EMP2: variants seen among roughly 807,000 people sequenced by gnomAD.
The protein encoded by EMP2 is epithelial membrane protein 2.
Under a neutral mutation model 13.7 loss-of-function variants are expected in EMP2, and 19 were observed. The ratio of observed to expected loss-of-function variants is 1.38; its 90% CI spans 0.97 to 2.03. The LOEUF (loss-of-function observed/expected upper bound fraction) is 2.03, where lower values mean the gene tolerates loss of function less well. Among genes scored for constraint, EMP2 ranks in the 30% most tolerant of loss-of-function variants. The pLI is 0.00. For synonymous variants in EMP2, 97 were observed against 84.7 expected (o/e 1.15, Z -0.80); for missense variants, 253 against 220.7 (o/e 1.15, Z -0.93).
chr16:10,567,740 G>A (rs1376677523), intron 1 of EMP2, among the ~76,000 whole-genome samples: 1 of 152,160 alleles, frequency 6.6e-6, no homozygotes, highest in East Asian at 1.9e-4. Context: ...CCCTCATACA[G>A]CAAACCAAAG....
chr16:10,558,056 A>ATC (rs951866883), intron 1 of EMP2, among the ~76,000 whole-genome samples: 1 of 146,852 alleles, frequency 6.8e-6, no homozygotes, highest in Non-Finnish European at 1.5e-5. Flanking sequence ...TTTAAACAGG[A>ATC]TCTCTCTCTG....
At chr16:10,556,211 C>T (rs914603976) in intron 1 of EMP2, among the ~76,000 whole-genome samples, 2 of 152,130 alleles carry the variant, frequency 1.3e-5, no homozygotes, top group Admixed American at 6.5e-5. Context: ...TCCTTCTTTT[C>T]TTCCCTCCAT....
intron 4 of EMP2, among the ~76,000 whole-genome samples, chr16:10,537,280 A>T (rs2142170244): frequency 6.6e-6 from 1 of 152,274 alleles, no homozygotes; most frequent in East Asian, 1.9e-4. Context: ...AAGTAGAAAA[A>T]AATGCTCTGA....
intron 1 of EMP2, among the ~76,000 whole-genome samples, chr16:10,571,189 G>A (rs1208647905): frequency 2.7e-5 from 4 of 147,612 alleles, no homozygotes; most frequent in South Asian, 2.2e-4. Flanking sequence ...CCAGGGAGTC[G>A]GCGGCTGCAG....
chr16:10,580,576 G>A lies in EMP2; in HGVS notation c.-88C>T. On this transcript the variant is annotated 5_prime_UTR_variant, in exon 1 of 5. Coordinates refer to ENST00000359543, the MANE Select transcript of EMP2 (RefSeq NM_001424.6). This position sits in a 1 kb window ranked among gnomAD's most constrained non-coding sequence, Gnocchi z 4.3. ...GGCGCTGGCGGCTGCGCTGGCAGCT[G>A]GATCGACGGACTGGCTGGGGGTGCG... 6.5e-6 allele frequency: 1 copy of A among 152,804 alleles called. No homozygotes were observed. Among genetic ancestry groups the A allele is most frequent in the Non-Finnish European group, 1.5e-5 (1 of 68,430 alleles). The allele number at this position is 152,804 out of a possible 1,614,324, so 9.5% of individuals were successfully genotyped here. A position where few individuals can be genotyped will look rare whatever the true frequency, so the allele number is the denominator to read the frequency against.
intron 4 of EMP2, 109 bp from the exon 5 acceptor site, chr16:10,533,201 G>C (rs2050621672): frequency 3.7e-6 from 4 of 1,074,924 alleles, no homozygotes; most frequent in Middle Eastern, 4.7e-4. Context: ...TTTATTCTTT[G>C]TTTATTATTA....
rs554007178 is a variant in EMP2 at position 10,532,204 on chromosome 16, G to A, written c.*701C>T. On this transcript the variant is annotated 3_prime_UTR_variant, in exon 5 of 5. Transcript: ENST00000359543. The stretch of plus-strand genomic sequence containing the variant: ...TCTGATTCTGTAGGTCTGGGGTGAG[G>A]GGGGGGGCGCTGTAGGTTTTGCCTA... 3.5e-4 allele frequency: 7 copies of A among 20,250 alleles called. No homozygotes were observed. Among genetic ancestry groups the A allele is most frequent in the African/African-American group, 1.7e-3 (5 of 2,894 alleles). The allele number at this position is 20,250 out of a possible 1,614,324, so 1.3% of individuals were successfully genotyped here. A position where few individuals can be genotyped will look rare whatever the true frequency, so the allele number is the denominator to read the frequency against.
At chr16:10,573,311 C>G (rs1324753249) in intron 1 of EMP2, among the ~76,000 whole-genome samples, 1 of 152,154 alleles carries the variant, frequency 6.6e-6, no homozygotes, top group Admixed American at 6.5e-5. Flanking sequence ...CTAACCCTCC[C>G]AAAATTCTAA....
At chr16:10,557,395 C>T (rs1337035198) in intron 1 of EMP2, among the ~76,000 whole-genome samples, 2 of 151,572 alleles carry the variant, frequency 1.3e-5, no homozygotes, top group Admixed American at 1.3e-4. Flanking sequence ...ACAAAAAAAC[C>T]CCATGCTTTA....
intron 1 of EMP2, among the ~76,000 whole-genome samples, chr16:10,549,504 T>G (rs992612277): frequency 1.3e-5 from 2 of 152,244 alleles, no homozygotes; most frequent in Admixed American, 6.5e-5. Context: ...AGGGAAGATG[T>G]CACATCAAAT....
chr16:10,573,416 T>A (rs1266775424), intron 1 of EMP2, among the ~76,000 whole-genome samples: 2 of 152,194 alleles, frequency 1.3e-5, no homozygotes, highest in African/African-American at 4.8e-5. Context: ...ATCTGCAATG[T>A]GATGTTCCAA....
In EMP2 at chr16:10,531,840, G is replaced by T. The variant is rs1406293230; in HGVS notation, c.*1065C>A. The T allele has an allele frequency of 6.5e-6, 1 of 154,846 alleles. No homozygotes were observed. The highest frequency in any genetic ancestry group is 2.4e-5 in the African/African-American group (1 of 41,500). The allele number at this position is 154,846 out of a possible 1,614,324, so 9.6% of individuals were successfully genotyped here. On this transcript the variant is annotated 3_prime_UTR_variant, in exon 5 of 5. Transcript: ENST00000359543. ...AGAAATAGGGGTGAGAGGCCAGCCA[G>T]GTGTAGCATGAAGGGCTGGACAAGA... is the stretch of plus-strand genomic sequence containing the variant.
chr16:10,561,462 G>A (rs1357544476), intron 1 of EMP2, among the ~76,000 whole-genome samples: 2 of 152,114 alleles, frequency 1.3e-5, no homozygotes, highest in East Asian at 1.9e-4. Context: ...AAGAGAGAAG[G>A]CCAGGGAAGG....
intron 1 of EMP2, among the ~76,000 whole-genome samples, chr16:10,555,210 C>T (rs917895609): frequency 6.6e-6 from 1 of 152,228 alleles, no homozygotes; most frequent in African/African-American, 2.4e-5. Flanking sequence ...CAGTGGGATA[C>T]TCCTCAGAAT....
chr16:10,564,428 T>C (rs1052209935), intron 1 of EMP2, among the ~76,000 whole-genome samples: 8 of 147,860 alleles, frequency 5.4e-5, no homozygotes, highest in African/African-American at 2.0e-4. Context: ...GAGGTGGAGG[T>C]TGCAGTGAGC....
chr16:10,555,322 C>A (rs1363321508), intron 1 of EMP2, among the ~76,000 whole-genome samples: 1 of 152,118 alleles, frequency 6.6e-6, no homozygotes, highest in East Asian at 1.9e-4. Context: ...TTTCCTTCTT[C>A]AATTTCTTTA....
intron 1 of EMP2, among the ~76,000 whole-genome samples, chr16:10,554,574 G>A (rs1441793825): frequency 6.6e-6 from 1 of 152,174 alleles, no homozygotes; most frequent in Non-Finnish European, 1.5e-5. Flanking sequence ...GTTGGATGAA[G>A]ACTGGTCCAC....
At chr16:10,543,027 G>A (rs141631915) in intron 3 of EMP2, among the ~76,000 whole-genome samples, 1 of 152,166 alleles carries the variant, frequency 6.6e-6, no homozygotes, top group Non-Finnish European at 1.5e-5. Flanking sequence ...TGTATTTTTA[G>A]TAGAGATGGG....
rs1281171054 is a variant in EMP2, at chr16:10,533,662, A to G, written c.317-570T>C. ...AATGAATAATAGTGGCAGTGTTACA[A>G]TAAGATTTTATTTACAAAAACATGT... On this transcript the variant is annotated intron_variant, in intron 4 of 4. Coordinates refer to ENST00000359543, the MANE Select transcript of EMP2 (RefSeq NM_001424.6). 3.9e-5 allele frequency among the ~76,000 whole-genome samples: 6 copies of G among 152,226 alleles called. No individual in the cohort carries two copies. In the East Asian group the frequency reaches 9.6e-4, roughly 24 times the overall value.
Sources: allele counts gnomAD v4.1 joint callset (sites outside exome capture counted in the v4.1 genomes callset), GRCh38; gene constraint gnomAD v4.1.1; non-coding constraint Gnocchi (gnomAD v3.1); transcripts MANE v1.5; gene names NCBI Gene and HGNC (gene_info 2026-07-23, HGNC 2026-07-21).